GADD45B: variants seen among roughly 807,000 people sequenced by gnomAD.
GADD45B encodes the protein growth arrest and DNA damage-inducible protein GADD45 beta.
Under a neutral mutation model 15.2 loss-of-function variants are expected in GADD45B, and 8 were observed. The observed-to-expected ratio is 0.53, with a 90% confidence interval of 0.31 to 0.95. The LOEUF (loss-of-function observed/expected upper bound fraction) is 0.95, where lower values mean the gene tolerates loss of function less well. Ranked by LOEUF, GADD45B falls within the 40% of genes least tolerant of loss-of-function variation. The pLI is 0.05. For missense variants in GADD45B, 162 were observed against 216.6 expected (o/e 0.75, Z 1.58); for synonymous variants, 100 against 89.8 (o/e 1.11, Z -0.64).
At position 2,476,323 on chromosome 19, in the gene GADD45B, C is replaced by G; in HGVS notation, c.-36C>G. The G allele has an allele frequency of 1.2e-6, 2 of 1,609,384 alleles. No individual in the cohort carries two copies. The highest frequency in any genetic ancestry group is 1.7e-6 in the Non-Finnish European group (2 of 1,175,976). ...TTTGCAATTTCTCCCTGGGGACTGC[C>G]GTGGAGCCGCATCCACTGTGGATTA... On this transcript the variant is annotated 5_prime_UTR_variant, in exon 1 of 4. Transcript: ENST00000215631.
chr19:2,476,965 C>T lies in GADD45B; in HGVS notation c.147-64C>T, dbSNP rs117324983. 3.6e-4 allele frequency: 385 copies of T among 1,076,826 alleles called. 5 individuals are homozygous for T. The East Asian group carries it at 8.0e-3, about 22-fold the overall frequency. 66.7% of individuals were successfully genotyped at this position (1,076,826 alleles called of 1,614,324 possible). On this transcript the variant is annotated intron_variant, in intron 2 of 3. Coordinates refer to ENST00000215631, the MANE Select transcript of GADD45B (RefSeq NM_015675.4). ...CTTGCACGCTCCTTTTTTGCAAACT[C>T]CCCCTGCACGGTGGCCCCTCCCCTG...
In GADD45B at chr19:2,476,259, C is replaced by T. The variant is rs1251297240; in HGVS notation, c.-100C>T. On this transcript the variant is annotated 5_prime_UTR_variant, in exon 1 of 4. Transcript: ENST00000215631. ...TTCCCGAAGGTCTTGGACGAGCGCT[C>T]TAGCTCTGTGGGAAGGTTTTGGGCT... 4 of 1,143,482 alleles carry T rather than the reference C, an allele frequency of 3.5e-6. No individual in the cohort carries two copies. Among genetic ancestry groups the T allele is most frequent in the Admixed American group, 3.4e-5 (2 of 59,230 alleles). The allele number at this position is 1,143,482 out of a possible 1,614,324, so 70.8% of individuals were successfully genotyped here.
Position 2,476,385 on chromosome 19 carries a change from C to T in GADD45B, c.27C>T (p.Cys9=). ...TGACGCTGGAAGAGCTCGTGGCGTG[C>T]GACAACGCGGCGCAGAAGTAAGTAG... MTLEELVA[C]DNAAQKMQTV... is the part of the protein sequence containing the mutation. The change falls in exon 1 of 4, where the codon TGC becomes TGT. Residue 9 remains cysteine (C), a synonymous_variant. Transcript: ENST00000215631. 6.2e-7 allele frequency: 1 copy of T among 1,613,436 alleles called. No homozygotes were observed. Among genetic ancestry groups the T allele is most frequent in the Non-Finnish European group, 8.5e-7 (1 of 1,179,896 alleles).
Position 2,476,324 on chromosome 19 carries a change from G to T in GADD45B, c.-35G>T, listed in dbSNP as rs767605336. The stretch of plus-strand genomic sequence containing the variant: ...TTGCAATTTCTCCCTGGGGACTGCC[G>T]TGGAGCCGCATCCACTGTGGATTAT... On this transcript the variant is annotated 5_prime_UTR_variant, in exon 1 of 4. Coordinates refer to ENST00000215631, the MANE Select transcript of GADD45B (RefSeq NM_015675.4). 2 of 1,610,812 alleles carry T rather than the reference G, an allele frequency of 1.2e-6. No homozygotes were observed. Among genetic ancestry groups the T allele is most frequent in the Admixed American group, 3.3e-5 (2 of 60,026 alleles).
rs751565252 is a variant in GADD45B at position 2,477,499 on chromosome 19, G to A, written c.381G>A (p.Thr127=). 23 of 1,611,810 alleles carry A rather than the reference G, an allele frequency of 1.4e-5. No individual in the cohort carries two copies. The highest frequency in any genetic ancestry group is 1.6e-5 in the Non-Finnish European group (19 of 1,178,100). ...LHCLLVTNPH[T]DAWKSHGLVE... The stretch of plus-strand genomic sequence containing the variant: ...TTTCCCTCCTACAGAACCCTCACAC[G>A]GACGCCTGGAAGAGCCACGGCTTGG... The change falls in exon 4 of 4, where the codon ACG becomes ACA. Residue 127 remains threonine, a synonymous_variant. Transcript: ENST00000215631. This position sits in a 1 kb window ranked among gnomAD's most constrained non-coding sequence, Gnocchi z 4.2.
chr19:2,477,426 T>G lies in GADD45B; in HGVS notation c.370-62T>G. Reference sequence around the variant, plus strand: ...GAAGCTATTTTGAGCCTGACTGTTTTCCCCACACAGGGGCCCCGGGAGAGG... The same window carrying G: ...GAAGCTATTTTGAGCCTGACTGTTTGCCCCACACAGGGGCCCCGGGAGAGG... On this transcript the variant is annotated intron_variant, in intron 3 of 3. Coordinates refer to ENST00000215631, the MANE Select transcript of GADD45B (RefSeq NM_015675.4). This position sits in a 1 kb window ranked among gnomAD's most constrained non-coding sequence, Gnocchi z 4.2. 1 of 1,226,254 alleles carries G rather than the reference T, an allele frequency of 8.2e-7. No homozygotes were observed. Among genetic ancestry groups the G allele is most frequent in the Non-Finnish European group, 1.2e-6 (1 of 849,136 alleles). The allele number at this position is 1,226,254 out of a possible 1,614,324, so 76.0% of individuals were successfully genotyped here.
In GADD45B at chr19:2,478,211, A is replaced by G. The variant is rs1972346972; in HGVS notation, c.*610A>G. 6.6e-6 allele frequency: 1 copy of G among 152,072 alleles called. No homozygotes were observed. Among genetic ancestry groups the G allele is most frequent in the African/African-American group, 2.4e-5 (1 of 41,394 alleles). The allele number at this position is 152,072 out of a possible 1,614,324, so 9.4% of individuals were successfully genotyped here. A position where few individuals can be genotyped will look rare whatever the true frequency, so the allele number is the denominator to read the frequency against. ...CGAGATGGGAAGCATAGATATCTAT[A>G]TTTTTATTTCTACTATGAGGGCCTT... On this transcript the variant is annotated 3_prime_UTR_variant, in exon 4 of 4. Coordinates refer to ENST00000215631, the MANE Select transcript of GADD45B (RefSeq NM_015675.4).
chr19:2,478,034 CTTGG>C lies in GADD45B; in HGVS notation c.*439_*442del, dbSNP rs1400290513. On this transcript the variant is annotated 3_prime_UTR_variant, in exon 4 of 4. Transcript: ENST00000215631. ...TCTGCATACGAGAGACTTGGTTGAA[CTTGG>C]TTGGTCCTTGTCTGCACCCTCGACA... The C allele has an allele frequency of 1.3e-5, 2 of 159,432 alleles. No individual in the cohort carries two copies. Among genetic ancestry groups the C allele is most frequent in the African/African-American group, 2.4e-5 (1 of 41,548 alleles). The allele number at this position is 159,432 out of a possible 1,614,324, so 9.9% of individuals were successfully genotyped here. A position where few individuals can be genotyped will look rare whatever the true frequency, so the allele number is the denominator to read the frequency against.
rs1972332284 is a variant in GADD45B, at chr19:2,477,375, A to G, written c.370-113A>G. The G allele has an allele frequency of 3.0e-6, 3 of 1,009,576 alleles. No individual in the cohort carries two copies. In the African/African-American group the frequency reaches 4.8e-5, roughly 16 times the overall value. 62.5% of individuals were successfully genotyped at this position (1,009,576 alleles called of 1,614,324 possible). A position where few individuals can be genotyped will look rare whatever the true frequency, so the allele number is the denominator to read the frequency against. On this transcript the variant is annotated intron_variant, in intron 3 of 3. Coordinates refer to ENST00000215631, the MANE Select transcript of GADD45B (RefSeq NM_015675.4). The surrounding 1 kb of genome is among the most constrained non-coding windows in gnomAD (Gnocchi z 4.2). ...GCCACGTTTGGCATGTCCCGTGGGC[A>G]GCCGGGCTGGGGCCTCCTCACCCAG...
Position 2,476,376 on chromosome 19 carries a change from C to G in GADD45B, c.18C>G (p.Leu6=), listed in dbSNP as rs759077474. ...ATTGCAACATGACGCTGGAAGAGCTCGTGGCGTGCGACAACGCGGCGCAGA... is the reference window on the plus strand; with the variant it reads ...ATTGCAACATGACGCTGGAAGAGCTGGTGGCGTGCGACAACGCGGCGCAGA... MTLEE[L]VACDNAAQKM... Residue 6 remains leucine (L), a synonymous_variant, in exon 1 of 4, where the codon CTC becomes CTG. Transcript: ENST00000215631. 4 of 1,613,472 alleles carry G rather than the reference C, an allele frequency of 2.5e-6. No individual in the cohort carries two copies. The Middle Eastern group carries it at 4.9e-4, about 200-fold the overall frequency.
rs1437179061 is a variant in GADD45B at position 2,477,828 on chromosome 19, A to C, written c.*227A>C. The C allele has an allele frequency of 2.5e-6, 1 of 399,914 alleles. No individual in the cohort carries two copies. Among genetic ancestry groups the C allele is most frequent in the Non-Finnish European group, 4.7e-6 (1 of 214,018 alleles). The allele number at this position is 399,914 out of a possible 1,614,324, so 24.8% of individuals were successfully genotyped here. On this transcript the variant is annotated 3_prime_UTR_variant, in exon 4 of 4. Transcript: ENST00000215631. The surrounding 1 kb of genome is among the most constrained non-coding windows in gnomAD (Gnocchi z 4.2). ...GAGCTGGCGGCCGCCGATCCGATGG[A>C]GAAGGGGGGACCCAGGCCAGCAGGA...
rs762504848 is a variant in GADD45B at position 2,477,608 on chromosome 19, T to G, written c.*7T>G. On this transcript the variant is annotated 3_prime_UTR_variant, in exon 4 of 4. Transcript: ENST00000215631. The surrounding 1 kb of genome is among the most constrained non-coding windows in gnomAD (Gnocchi z 4.2). The stretch of plus-strand genomic sequence containing the variant: ...CTCTCTTCAGGAACGCTGAGGCCCT[T>G]CCCAGCAGCAGAATCTGTTGAGTTG... The G allele has an allele frequency of 6.7e-7, 1 of 1,487,176 alleles. No individual in the cohort carries two copies. The highest frequency in any genetic ancestry group is 1.1e-5 in the South Asian group (1 of 88,436). The allele number at this position is 1,487,176 out of a possible 1,614,324, so 92.1% of individuals were successfully genotyped here.
At chr19:2,476,463 C>T (rs967347954) in intron 1 of GADD45B, 61 bp downstream of exon 1, 1 of 1,602,210 alleles carries the variant, frequency 6.2e-7, no homozygotes, top group African/African-American at 1.3e-5. Flanking sequence ...CGGGTTGGGC[C>T]GGGCCGGGAG....
At position 2,477,468 on chromosome 19, in the gene GADD45B, C is replaced by T. The variant is rs966215359; in HGVS notation, c.370-20C>T. On this transcript the variant is annotated intron_variant, in intron 3 of 3. Transcript: ENST00000215631. This position sits in a 1 kb window ranked among gnomAD's most constrained non-coding sequence, Gnocchi z 4.2. Reference sequence around the variant, plus strand: ...CGGGAGAGGGAGGCTCCACTAAACCCCTTCTTTTCCCTCCTACAGAACCCT... The same window carrying T: ...CGGGAGAGGGAGGCTCCACTAAACCTCTTCTTTTCCCTCCTACAGAACCCT... 14 of 1,540,418 alleles carry T rather than the reference C, an allele frequency of 9.1e-6. No homozygotes were observed. The Admixed American group carries it at 1.2e-4, about 13-fold the overall frequency.
At position 2,476,621 on chromosome 19, in the gene GADD45B, T is replaced by G; in HGVS notation, c.137T>G (p.Leu46Trp). 1 of 1,564,694 alleles carries G rather than the reference T, an allele frequency of 6.4e-7. No individual in the cohort carries two copies. Among genetic ancestry groups the G allele is most frequent in the Non-Finnish European group, 8.7e-7 (1 of 1,148,834 alleles). ...GTGGGGGTGTACGAGTCGGCCAAGT[T>G]GATGAATGTGTGAGTCAGACCCCCT... ...LTVGVYESAKLMNVDPDSVVL... is the reference protein window; with the variant it reads ...LTVGVYESAKWMNVDPDSVVL... Residue 46 changes from leucine to tryptophan, a missense_variant, in exon 2 of 4, where the codon TTG (leucine) becomes TGG (tryptophan). By Grantham distance (61) the Leu-to-Trp change is moderately conservative. Coordinates refer to ENST00000215631, the MANE Select transcript of GADD45B (RefSeq NM_015675.4).
rs1332587674 is a variant in GADD45B at position 2,476,407 on chromosome 19, G to A, written c.44+5G>A. ...GTGCGACAACGCGGCGCAGAAGTAA[G>A]TAGCCGGGGCTGCCGCCGCCTGAGG... On this transcript the variant is annotated splice_donor_5th_base_variant and intron_variant, in intron 1 of 3. Coordinates refer to ENST00000215631, the MANE Select transcript of GADD45B (RefSeq NM_015675.4). 3.1e-6 allele frequency: 5 copies of A among 1,613,436 alleles called. No individual in the cohort carries two copies. The highest frequency in any genetic ancestry group is 4.2e-6 in the Non-Finnish European group (5 of 1,179,896).
intron 2 of GADD45B, 46 bp from the exon 3 acceptor site, chr19:2,476,983 C>T (rs1972325989): frequency 3.0e-6 from 4 of 1,338,776 alleles, no homozygotes; most frequent in African/African-American, 1.4e-5. Context: ...ACGGTGGCCC[C>T]TCCCCTGTCC....
rs1304049960 is a variant in GADD45B at position 2,477,558 on chromosome 19, G to A, written c.440G>A (p.Gly147Asp). ...EVASYCEESR[G>D]NNQWVPYISL... ...GCCAGCTACTGCGAAGAAAGCCGGG[G>A]CAACAACCAGTGGGTCCCCTACATC... The change falls in exon 4 of 4, where the codon GGC becomes GAC. Residue 147 changes from glycine (G) to aspartate (D), a missense_variant. By Grantham distance (94) the Gly-to-Asp change is moderately conservative. Coordinates refer to ENST00000215631, the MANE Select transcript of GADD45B (RefSeq NM_015675.4). The surrounding 1 kb of genome is among the most constrained non-coding windows in gnomAD (Gnocchi z 4.2). 4 of 1,613,226 alleles carry A rather than the reference G, an allele frequency of 2.5e-6. No individual in the cohort carries two copies. In the East Asian group the frequency reaches 6.7e-5, roughly 27 times the overall value.
rs1007880477 is a variant in GADD45B at position 2,477,928 on chromosome 19, T to A, written c.*327T>A. The A allele has an allele frequency of 4.0e-6, 1 of 252,024 alleles. No individual in the cohort carries two copies. Among genetic ancestry groups the A allele is most frequent in the Non-Finnish European group, 8.0e-6 (1 of 124,618 alleles). The allele number at this position is 252,024 out of a possible 1,614,324, so 15.6% of individuals were successfully genotyped here. A position where few individuals can be genotyped will look rare whatever the true frequency, so the allele number is the denominator to read the frequency against. ...GCGGGGCACGCTGCCGCCTTCCCCATCACGGAGGGTCCAGACTGTCCACTC... is the reference window on the plus strand; with the variant it reads ...GCGGGGCACGCTGCCGCCTTCCCCAACACGGAGGGTCCAGACTGTCCACTC... On this transcript the variant is annotated 3_prime_UTR_variant, in exon 4 of 4. Transcript: ENST00000215631. The surrounding 1 kb of genome is among the most constrained non-coding windows in gnomAD (Gnocchi z 4.2).
Sources: allele counts gnomAD v4.1 joint callset, GRCh38; gene constraint gnomAD v4.1.1; non-coding constraint Gnocchi (gnomAD v3.1); transcripts MANE v1.5; gene names NCBI Gene and HGNC (gene_info 2026-07-23, HGNC 2026-07-21).